Variants in GALNT13 observed in about 807,000 individuals in gnomAD.
GALNT13 encodes polypeptide N-acetylgalactosaminyltransferase 13, also known as UDP-GalNAc:polypeptide N-acetylgalactosaminyltransferase 13.
A neutral mutation model predicts 64.2 loss-of-function variants in GALNT13; 28 were observed. That is an observed-to-expected ratio of 0.44 (90% CI 0.32 to 0.60). GALNT13 has a LOEUF of 0.60. GALNT13 is among the 20% of genes least tolerant of loss of function. GALNT13 has a pLI of 0.05. For missense variants in GALNT13, 577 were observed against 669.8 expected (o/e 0.86, Z 1.53); for synonymous variants, 214 against 224.6 (o/e 0.95, Z 0.42).
chr2:154,268,250 T>C (rs1480800120), intron 8 of GALNT13, among the ~76,000 whole-genome samples: 1 of 152,216 alleles, frequency 6.6e-6, no homozygotes, highest in East Asian at 1.9e-4. Context: ...GTGCAAACTA[T>C]TAATGCACCC....
In GALNT13 at chr2:154,353,593, T is replaced by G. The variant is rs192174197; in HGVS notation, c.1157-42398T>G. On this transcript the variant is annotated intron_variant, in intron 9 of 12. Coordinates refer to ENST00000392825, the MANE Select transcript of GALNT13 (RefSeq NM_052917.4). ...ATTTTCTCTCCTCCACCCTGGGCCC[T>G]GTTAGCCCTAGATTTTTTCTGCAAG... 9.2e-5 allele frequency among the ~76,000 whole-genome samples: 14 copies of G among 152,300 alleles called. No individual in the cohort carries two copies. In the East Asian group the frequency reaches 2.7e-3, roughly 29 times the overall value.
chr2:153,972,342 C>T lies in GALNT13; in HGVS notation c.142+27703C>T, dbSNP rs182335640. Reference sequence around the variant, plus strand: ...TCCCAAATCGCAAAGTGATTCAGTCCGGATATTGATGTGACACTAAGAACT... The same window carrying T: ...TCCCAAATCGCAAAGTGATTCAGTCTGGATATTGATGTGACACTAAGAACT... On this transcript the variant is annotated intron_variant, in intron 3 of 12. Transcript: ENST00000392825. Among the ~76,000 whole-genome samples the T allele has an allele frequency of 2.9e-3, 444 of 152,052 alleles. 3 individuals are homozygous for T. Among genetic ancestry groups the T allele is most frequent in the Middle Eastern group, 0.01 (3 of 294 alleles).
At chr2:153,859,084 C>T in the GALNT13 span, among the ~76,000 whole-genome samples, 49 of 152,224 alleles carry the variant, frequency 3.2e-4, 2 homozygotes, top group Admixed American at 2.7e-3. Flanking sequence ...TGCAGTTTCA[C>T]GCAACCATTG....
At chr2:154,133,188 A>G (rs1682725544) in intron 3 of GALNT13, among the ~76,000 whole-genome samples, 1 of 152,170 alleles carries the variant, frequency 6.6e-6, no homozygotes, top group Non-Finnish European at 1.5e-5. Flanking sequence ...CAAATAGCTG[A>G]CAATATTTAA....
chr2:153,768,580 C>T, the GALNT13 span, among the ~76,000 whole-genome samples: 1 of 152,070 alleles, frequency 6.6e-6, no homozygotes, highest in Non-Finnish European at 1.5e-5. Context: ...TATTTAAAAT[C>T]TGGGACAGGC....
the GALNT13 span, among the ~76,000 whole-genome samples, chr2:153,082,622 C>CAT: frequency 4.3e-5 from 1 of 23,416 alleles, no homozygotes; most frequent in Non-Finnish European, 8.0e-5. Flanking sequence ...TATATATACA[C>CAT]ACACACACAC....
At chr2:153,085,565 C>G in the GALNT13 span, among the ~76,000 whole-genome samples, 1 of 152,200 alleles carries the variant, frequency 6.6e-6, no homozygotes, top group African/African-American at 2.4e-5. Context: ...AACTCCAAGT[C>G]TTGGCAGCTT....
chr2:153,429,933 A>T, the GALNT13 span, among the ~76,000 whole-genome samples: 1 of 152,152 alleles, frequency 6.6e-6, no homozygotes, highest in African/African-American at 2.4e-5. Flanking sequence ...TGTAAATTGT[A>T]TCCTCACCAG....
chr2:153,765,639 G>C, the GALNT13 span, among the ~76,000 whole-genome samples: 3 of 152,110 alleles, frequency 2.0e-5, no homozygotes, highest in African/African-American at 7.2e-5. Context: ...GGGGACTGTT[G>C]GGAAGGCATG....
chr2:153,392,026 A>G, the GALNT13 span, among the ~76,000 whole-genome samples: 1 of 148,562 alleles, frequency 6.7e-6, no homozygotes, highest in Non-Finnish European at 1.5e-5. Context: ...ATATGTTTAT[A>G]TAATATATGT....
At chr2:153,993,246 T>A (rs1175123983) in intron 3 of GALNT13, among the ~76,000 whole-genome samples, 1 of 152,186 alleles carries the variant, frequency 6.6e-6, no homozygotes, top group African/African-American at 2.4e-5. Flanking sequence ...ATATTTACTA[T>A]AAATTAAATA....
chr2:153,869,149 T>C (rs927739486), upstream of GALNT13, among the ~76,000 whole-genome samples: 2 of 152,132 alleles, frequency 1.3e-5, no homozygotes, highest in South Asian at 4.1e-4. Flanking sequence ...CTGCAAAATA[T>C]TTTATTATAT....
At chr2:153,077,119 T>C in the GALNT13 span, among the ~76,000 whole-genome samples, 2 of 151,988 alleles carry the variant, frequency 1.3e-5, no homozygotes, top group East Asian at 3.9e-4. Flanking sequence ...ACCTAGCTAA[T>C]TTTTGTATTT....
At chr2:153,445,513 G>C in the GALNT13 span, among the ~76,000 whole-genome samples, 1 of 152,036 alleles carries the variant, frequency 6.6e-6, no homozygotes, top group Non-Finnish European at 1.5e-5. Context: ...GGGTAGCTGG[G>C]ACTAGAGGTG....
chr2:153,319,686 G>T, the GALNT13 span, among the ~76,000 whole-genome samples: 4 of 152,094 alleles, frequency 2.6e-5, no homozygotes. Flanking sequence ...GTCTATAAAA[G>T]CCATTGTTAA....
intron 8 of GALNT13, among the ~76,000 whole-genome samples, chr2:154,268,061 T>G (rs1691118392): frequency 6.6e-6 from 1 of 152,152 alleles, no homozygotes; most frequent in African/African-American, 2.4e-5. Context: ...AAAAACAGTT[T>G]TAGTACTTTT....
Position 154,450,538 on chromosome 2 carries a change from C to A in GALNT13, c.1658C>A (p.Thr553Asn). 1 of 1,604,064 alleles carries A rather than the reference C, an allele frequency of 6.2e-7. No homozygotes were observed. The highest frequency in any genetic ancestry group is 1.1e-5 in the South Asian group (1 of 89,272). The change falls in exon 13 of 13, where the codon ACC becomes AAC. Residue 553 changes from threonine to asparagine, a missense_variant. Coordinates refer to ENST00000392825, the MANE Select transcript of GALNT13 (RefSeq NM_052917.4). ...RSQQWLLRNM[T>N]LGT ...CAACAGTGGCTGCTAAGGAACATGA[C>A]CTTGGGCACATGAAGATCATGTCCT...
At chr2:153,289,382 A>G in the GALNT13 span, among the ~76,000 whole-genome samples, 1 of 152,214 alleles carries the variant, frequency 6.6e-6, no homozygotes, top group Non-Finnish European at 1.5e-5. Flanking sequence ...GTTTATCTGT[A>G]TAATATAATT....
At chr2:153,989,821 G>A (rs1695044168) in intron 3 of GALNT13, among the ~76,000 whole-genome samples, 1 of 152,060 alleles carries the variant, frequency 6.6e-6, no homozygotes, top group Non-Finnish European at 1.5e-5. Flanking sequence ...TTTAAGGCAT[G>A]TTGATATGAT....
Sources: gnomAD v4.1 joint callset for allele counts (sites outside exome capture counted in the v4.1 genomes callset) on GRCh38, gnomAD v4.1.1 for gene constraint, MANE v1.5 for transcripts, NCBI Gene and HGNC (gene_info 2026-07-23, HGNC 2026-07-21) for gene names.